SCN2A: variants seen among roughly 807,000 people sequenced by gnomAD.
SCN2A encodes sodium channel protein type 2 subunit alpha.
A neutral mutation model predicts 188.7 loss-of-function variants in SCN2A; 20 were observed. The observed-to-expected ratio is 0.11, with a 90% confidence interval of 0.07 to 0.15. The LOEUF (loss-of-function observed/expected upper bound fraction) is 0.15, where lower values mean the gene tolerates loss of function less well. Among genes scored for constraint, SCN2A ranks in the 10% least tolerant of loss-of-function variants. The pLI is 1.00. For synonymous variants in SCN2A, 804 were observed against 833.1 expected (o/e 0.97, Z 0.60); for missense variants, 1,278 against 2,445.0 (o/e 0.52, Z 10.07).
At chr2:165,256,845 G>A (rs1694349515) in intron 1 of SCN2A, among the ~76,000 whole-genome samples, 1 of 152,010 alleles carries the variant, frequency 6.6e-6, no homozygotes, top group African/African-American at 2.4e-5. Flanking sequence ...ACTCTATGCT[G>A]TATAACATTT....
chr2:165,381,897 A>G lies in SCN2A; in HGVS notation c.4551+700A>G, dbSNP rs576593408. 2.6e-5 allele frequency among the ~76,000 whole-genome samples: 4 copies of G among 152,048 alleles called. No individual in the cohort carries two copies. The South Asian group carries it at 6.2e-4, about 24-fold the overall frequency. On this transcript the variant is annotated intron_variant, in intron 25 of 26. Coordinates refer to ENST00000375437, the MANE Select transcript of SCN2A (RefSeq NM_001040142.2). ...ATTAAGTCTCAGAAAATCTTCCCCAACGTATACGTGGTATAAAACACTTCA... is the reference window on the plus strand; with the variant it reads ...ATTAAGTCTCAGAAAATCTTCCCCAGCGTATACGTGGTATAAAACACTTCA...
At position 165,391,839 on chromosome 2, in the gene SCN2A, C is replaced by G. The variant is rs1290839597; in HGVS notation, c.*2015C>G. 1 of 152,400 alleles carries G rather than the reference C, an allele frequency of 6.6e-6. No individual in the cohort carries two copies. The highest frequency in any genetic ancestry group is 1.5e-5 in the Non-Finnish European group (1 of 67,944). The allele number at this position is 152,400 out of a possible 1,614,324, so 9.4% of individuals were successfully genotyped here. A position where few individuals can be genotyped will look rare whatever the true frequency, so the allele number is the denominator to read the frequency against. On this transcript the variant is annotated 3_prime_UTR_variant, in exon 27 of 27. Transcript: ENST00000375437. ...ATGGGATCCCAGCTTTTTTTCCTCTCCCACAAAACCAGGTAGTGAAGTTAT... is the reference window on the plus strand; with the variant it reads ...ATGGGATCCCAGCTTTTTTTCCTCTGCCACAAAACCAGGTAGTGAAGTTAT...
intron 18 of SCN2A, 110 bp from the exon 19 acceptor site, chr2:165,367,107 G>A: frequency 9.6e-7 from 1 of 1,038,892 alleles, no homozygotes; most frequent in Non-Finnish European, 1.4e-6. Context: ...AAAAATTAAT[G>A]TTATTTACAA....
chr2:165,365,359 TTATCTATCTATCTGTATCTATC>T, intron 18 of SCN2A, 96 bp downstream of exon 18: 1 of 1,362,998 alleles, frequency 7.3e-7, no homozygotes, highest in South Asian at 1.2e-5. Flanking sequence ...CTACCATCTA[TTATCTATCTATCTGTATCTATC>T]TATCTATCTA....
chr2:165,384,385 A>G (rs138958808), intron 25 of SCN2A, among the ~76,000 whole-genome samples: 227 of 152,244 alleles, frequency 1.5e-3, no homozygotes, highest in African/African-American at 5.2e-3. Flanking sequence ...AGATCTTCAG[A>G]ATTATACATC....
intron 1 of SCN2A, among the ~76,000 whole-genome samples, chr2:165,263,879 G>A (rs1694719566): frequency 7.9e-6 from 1 of 126,014 alleles, no homozygotes; most frequent in South Asian, 2.4e-4. Flanking sequence ...ATATTCCTAA[G>A]TATTCTATTT....
At chr2:165,368,035 A>C (rs911910399) in intron 19 of SCN2A, among the ~76,000 whole-genome samples, 1 of 152,136 alleles carries the variant, frequency 6.6e-6, no homozygotes, top group Admixed American at 6.5e-5. Context: ...TGTGGTACCC[A>C]AGTTCATGTC....
intron 25 of SCN2A, 144 bp from the exon 26 acceptor site, chr2:165,386,602 A>ATT (rs78399411): frequency 1.3e-4 from 91 of 685,630 alleles, no homozygotes; most frequent in Middle Eastern, 4.9e-4. Context: ...TTTGCAAGGA[A>ATT]TTTTTTTTTT....
intron 1 of SCN2A, among the ~76,000 whole-genome samples, chr2:165,258,555 C>A (rs1485295136): frequency 6.6e-6 from 1 of 152,162 alleles, no homozygotes; most frequent in Non-Finnish European, 1.5e-5. Context: ...AGAAGAATAA[C>A]CATTCAACCC....
chr2:165,386,123 G>A (rs1701856360), intron 25 of SCN2A, among the ~76,000 whole-genome samples: 1 of 152,090 alleles, frequency 6.6e-6, no homozygotes, highest in Non-Finnish European at 1.5e-5. Flanking sequence ...TTGTAATAAT[G>A]TTCCATTGCA....
intron 14 of SCN2A, among the ~76,000 whole-genome samples, chr2:165,336,712 C>A (rs1165947204): frequency 1.3e-5 from 2 of 151,970 alleles, no homozygotes; most frequent in African/African-American, 4.8e-5. Flanking sequence ...GAATTGCATA[C>A]TAATATTTCA....
Position 165,323,436 on chromosome 2 carries a change from A to G in SCN2A, c.1952A>G (p.Asn651Ser), listed in dbSNP as rs1478468525. The G allele has an allele frequency of 6.2e-7, 1 of 1,613,994 alleles. No homozygotes were observed. Among genetic ancestry groups the G allele is most frequent in the East Asian group, 2.2e-5 (1 of 44,870 alleles). Reference sequence around the variant, plus strand: ...AAGATGCATAGCGCTGTGGACTGCAATGGTGTGGTCTCCCTGGTCGGGGGC... The same window carrying G: ...AAGATGCATAGCGCTGTGGACTGCAGTGGTGTGGTCTCCCTGGTCGGGGGC... ...NGKMHSAVDC[N>S]GVVSLVGGPS... The change falls in exon 12 of 27, where the codon AAT becomes AGT. Residue 651 changes from asparagine to serine, a missense_variant. By Grantham distance (46) the Asn-to-Ser change is conservative. Transcript: ENST00000375437.
At chr2:165,285,892 C>T (rs1256229836) in intron 1 of SCN2A, 1 of 215,766 alleles carries the variant, frequency 4.6e-6, no homozygotes, top group Admixed American at 4.4e-5. Context: ...GAGATTTCTA[C>T]TTCAGAAAGC....
chr2:165,290,298 C>A (rs972143181), intron 1 of SCN2A, among the ~76,000 whole-genome samples: 23 of 152,062 alleles, frequency 1.5e-4, no homozygotes, highest in African/African-American at 5.6e-4. Flanking sequence ...GCTATAGAAG[C>A]TATAACTTAT....
intron 21 of SCN2A, 36 bp from the exon 22 acceptor site, chr2:165,374,649 G>A (rs779382369): frequency 3.7e-6 from 6 of 1,600,052 alleles, no homozygotes; most frequent in Non-Finnish European, 8.6e-7. Context: ...TTTGTTGTTG[G>A]CTTTTCACTT....
At chr2:165,314,890 A>G (rs1387818052) in intron 10 of SCN2A, among the ~76,000 whole-genome samples, 1 of 152,180 alleles carries the variant, frequency 6.6e-6, no homozygotes, top group East Asian at 1.9e-4. Context: ...CAACAAAACT[A>G]CTGTTATACT....
At chr2:165,363,542 G>A (rs1354519305) in intron 17 of SCN2A, among the ~76,000 whole-genome samples, 1 of 136,960 alleles carries the variant, frequency 7.3e-6, no homozygotes, top group Non-Finnish European at 1.6e-5. Context: ...ATATTAAAAT[G>A]AGAAGATTTT....
intron 26 of SCN2A, among the ~76,000 whole-genome samples, chr2:165,387,479 G>A (rs755134288): frequency 2.0e-5 from 3 of 152,030 alleles, no homozygotes; most frequent in Non-Finnish European, 2.9e-5. Context: ...ACATATATAA[G>A]TTTCATGTTA....
At chr2:165,364,520 C>T (rs1387294671) in intron 17 of SCN2A, among the ~76,000 whole-genome samples, 1 of 152,104 alleles carries the variant, frequency 6.6e-6, no homozygotes, top group Non-Finnish European at 1.5e-5. Context: ...TCCAAATGCA[C>T]AATGAAACAC....
Sources: gnomAD v4.1 joint callset for allele counts (sites outside exome capture counted in the v4.1 genomes callset) on GRCh38, gnomAD v4.1.1 for gene constraint, MANE v1.5 for transcripts, NCBI Gene and HGNC (gene_info 2026-07-23, HGNC 2026-07-21) for gene names.